The following TMEM108 variants were observed in gnomAD, a reference collection of about 807,000 sequenced individuals.
The protein encoded by TMEM108 is transmembrane protein 108, also known as cancer/testis antigen 124.
A neutral mutation model predicts 35.1 loss-of-function variants in TMEM108; 12 were observed. The observed-to-expected ratio is 0.34, with a 90% CI of 0.22 to 0.55. TMEM108 has a LOEUF of 0.55. Ranked by LOEUF, TMEM108 falls within the 20% of genes least tolerant of loss-of-function variation. The pLI, the probability that TMEM108 is intolerant of heterozygous loss-of-function variation, is 0.89. For missense variants in TMEM108, 680 were observed against 753.3 expected, an observed-to-expected ratio of 0.90 and a Z score of 1.14; for synonymous variants, 287 against 308.6, an observed-to-expected ratio of 0.93 and a Z score of 0.73.
intron 2 of TMEM108, among the ~76,000 whole-genome samples, chr3:133,199,101 C>T (rs896744729): frequency 2.0e-5 from 3 of 152,162 alleles, no homozygotes; most frequent in East Asian, 1.9e-4. Flanking sequence ...GTTGTGCATT[C>T]GTCACCTAGT....
rs115309278 is a variant in TMEM108, at chr3:133,192,994, T to C, written c.-46-36272T>C. On this transcript the variant is annotated intron_variant, in intron 2 of 5. Transcript: ENST00000321871. Reference sequence around the variant, plus strand: ...TTCAGCAGAAAGGTAGAAAAATCCATGAGAAATCTTTTTCAGGAATCCATA... The same window carrying C: ...TTCAGCAGAAAGGTAGAAAAATCCACGAGAAATCTTTTTCAGGAATCCATA... 9.2e-3 allele frequency among the ~76,000 whole-genome samples: 1,407 copies of C among 152,202 alleles called. 20 individuals carry two copies. The highest frequency in any genetic ancestry group is 0.032 in the African/African-American group (1,334 of 41,540).
At chr3:133,258,610 A>C (rs368036260) in intron 3 of TMEM108, among the ~76,000 whole-genome samples, 3 of 152,298 alleles carry the variant, frequency 2.0e-5, no homozygotes. Flanking sequence ...CATTCCCTAG[A>C]ACCAGTCAGC....
intron 2 of TMEM108, among the ~76,000 whole-genome samples, chr3:133,061,437 T>C (rs1463719607): frequency 6.6e-6 from 1 of 152,072 alleles, no homozygotes; most frequent in Admixed American, 6.5e-5. Flanking sequence ...ATGGTCTCCA[T>C]CTCCTGACCT....
chr3:133,276,029 T>G (rs543090778), intron 3 of TMEM108, among the ~76,000 whole-genome samples: 80 of 152,280 alleles, frequency 5.3e-4, no homozygotes, highest in Non-Finnish European at 4.6e-4. Context: ...GTTTTGACTC[T>G]TAGTAGTGGT....
chr3:133,353,493 G>A (rs1039835164), intron 3 of TMEM108, among the ~76,000 whole-genome samples: 7 of 152,198 alleles, frequency 4.6e-5, no homozygotes, highest in African/African-American at 1.7e-4. Context: ...TTATCCATCA[G>A]GGAAATGAAT....
intron 3 of TMEM108, among the ~76,000 whole-genome samples, chr3:133,309,145 G>T (rs560999396): frequency 1.3e-5 from 2 of 152,172 alleles, no homozygotes; most frequent in Non-Finnish European, 2.9e-5. Context: ...TAGTTTATTT[G>T]TGTAGAGGTG....
intron 3 of TMEM108, among the ~76,000 whole-genome samples, chr3:133,295,192 G>A (rs59007455): frequency 0.32 from 48,832 of 152,082 alleles, 8,572 homozygotes; most frequent in East Asian, 0.48. Context: ...ATTGACATCA[G>A]TTATCCAAAT....
chr3:133,224,698 G>A lies in TMEM108; in HGVS notation c.-46-4568G>A, dbSNP rs545087333. Reference sequence around the variant, plus strand: ...CCATGATTGTGAGTCCTCCCCAGCCGTGTGGAACGTGAGTCCATTAAACGT... The same window carrying A: ...CCATGATTGTGAGTCCTCCCCAGCCATGTGGAACGTGAGTCCATTAAACGT... On this transcript the variant is annotated intron_variant, in intron 2 of 5. Transcript: ENST00000321871. Among the ~76,000 whole-genome samples, 27 of 152,230 alleles carry A rather than the reference G, an allele frequency of 1.8e-4. 1 individual carries two copies. The East Asian group carries it at 2.3e-3, about 13-fold the overall frequency.
At chr3:133,067,826 A>T (rs1576301179) in intron 2 of TMEM108, among the ~76,000 whole-genome samples, 1 of 152,180 alleles carries the variant, frequency 6.6e-6, no homozygotes, top group East Asian at 1.9e-4. Flanking sequence ...TAACAAAGTA[A>T]GCTGGGTAAT....
At chr3:133,209,879 C>T (rs972008389) in intron 2 of TMEM108, among the ~76,000 whole-genome samples, 3 of 152,036 alleles carry the variant, frequency 2.0e-5, no homozygotes, top group Non-Finnish European at 2.9e-5. Context: ...CTTCCCTGAA[C>T]CTCATCTCTC....
At chr3:133,191,633 C>A (rs1448236103) in intron 2 of TMEM108, among the ~76,000 whole-genome samples, 3 of 152,166 alleles carry the variant, frequency 2.0e-5, no homozygotes, top group Non-Finnish European at 4.4e-5. Context: ...AGAAAATATT[C>A]TCTCGTCAAT....
intron 2 of TMEM108, among the ~76,000 whole-genome samples, chr3:133,185,784 CTT>C (rs11309146): frequency 0.01 from 1,296 of 127,076 alleles, 15 homozygotes; most frequent in African/African-American, 0.026. Context: ...CTTTTCTTTT[CTT>C]TTTTTTTTTT....
chr3:133,385,182 GAA>G (rs1198896700), intron 4 of TMEM108, among the ~76,000 whole-genome samples: 1 of 152,214 alleles, frequency 6.6e-6, no homozygotes, highest in Non-Finnish European at 1.5e-5. Context: ...TCTTGCCAAT[GAA>G]AAGAGTAGAA....
chr3:133,246,486 A>G (rs924267787), intron 3 of TMEM108: 1 of 152,190 alleles, frequency 6.6e-6, no homozygotes, highest in Non-Finnish European at 1.5e-5. Flanking sequence ...CTAAAAAAAA[A>G]AAAGCAAAGT....
intron 2 of TMEM108, among the ~76,000 whole-genome samples, chr3:133,160,970 C>T (rs76823949): frequency 0.021 from 3,165 of 152,300 alleles, 50 homozygotes; most frequent in South Asian, 0.065. Context: ...CCCCTCCCTG[C>T]AATCTTCAAA....
chr3:133,231,126 GT>G (rs59046266), intron 3 of TMEM108, among the ~76,000 whole-genome samples: 2,078 of 152,186 alleles, frequency 0.014, 55 homozygotes, highest in African/African-American at 0.048. Flanking sequence ...CAAACAGAAT[GT>G]TTTTAAGACA....
intron 2 of TMEM108, among the ~76,000 whole-genome samples, chr3:133,169,967 C>T (rs1039974782): frequency 5.9e-5 from 9 of 152,126 alleles, no homozygotes; most frequent in Non-Finnish European, 8.8e-5. Flanking sequence ...TTTTTATTTT[C>T]TTGGGTTCAT....
At chr3:133,174,300 G>A (rs577207493) in intron 2 of TMEM108, among the ~76,000 whole-genome samples, 1 of 152,198 alleles carries the variant, frequency 6.6e-6, no homozygotes. Flanking sequence ...AGACTTAAAT[G>A]TCCCTGTCTG....
At chr3:133,166,442 C>T (rs994715554) in intron 2 of TMEM108, among the ~76,000 whole-genome samples, 2 of 152,162 alleles carry the variant, frequency 1.3e-5, no homozygotes, top group South Asian at 2.1e-4. Flanking sequence ...AGAATGAAGC[C>T]GTGGACCCTC....
Sources: gnomAD v4.1 joint callset for allele counts (sites outside exome capture counted in the v4.1 genomes callset) on GRCh38, gnomAD v4.1.1 for gene constraint, MANE v1.5 for transcripts, NCBI Gene and HGNC (gene_info 2026-07-23, HGNC 2026-07-21) for gene names.